The following GRIP1 variants were observed in gnomAD, a reference collection of about 807,000 sequenced individuals.
GRIP1 encodes glutamate receptor-interacting protein 1.
In GRIP1, 45 loss-of-function variants were observed where a neutral mutation model predicts 129.9. That is an observed-to-expected ratio of 0.35 (90% CI 0.27 to 0.44). The LOEUF (loss-of-function observed/expected upper bound fraction) is 0.44. GRIP1 is among the 20% of genes least tolerant of loss of function. The pLI is 1.00. For synonymous variants in GRIP1, 530 were observed against 520.8 expected (o/e 1.02, Z -0.24); for missense variants, 1,196 against 1,396.8 (o/e 0.86, Z 2.29).
At chr12:67,035,772 C>T (rs2135792523) in intron 1 of GRIP1, 1 of 152,116 alleles carries the variant, frequency 6.6e-6, no homozygotes, top group African/African-American at 2.4e-5. Flanking sequence ...CTAAAATAGC[C>T]TCTCCTCCAT....
intron 7 of GRIP1, among the ~76,000 whole-genome samples, chr12:66,484,415 A>G (rs542913031): frequency 5.8e-4 from 89 of 152,332 alleles, no homozygotes; most frequent in Non-Finnish European, 1.1e-3. Context: ...ACAATGGCCA[A>G]GATGTGAAAT....
At chr12:66,685,691 G>A (rs1214960685) in intron 1 of GRIP1, among the ~76,000 whole-genome samples, 1 of 152,130 alleles carries the variant, frequency 6.6e-6, no homozygotes, top group Admixed American at 6.5e-5. Context: ...TAGATCAAGG[G>A]AAGAAATTAG....
At chr12:66,897,845 A>C (rs2040777458) in intron 1 of GRIP1, among the ~76,000 whole-genome samples, 1 of 152,216 alleles carries the variant, frequency 6.6e-6, no homozygotes, top group African/African-American at 2.4e-5. Context: ...ACATGCATAC[A>C]CACCAGTTAT....
chr12:66,949,307 T>A (rs1175022383), intron 1 of GRIP1, among the ~76,000 whole-genome samples: 1 of 152,076 alleles, frequency 6.6e-6, no homozygotes, highest in Non-Finnish European at 1.5e-5. Flanking sequence ...AGAGAAAAAA[T>A]TTTGAGAGTT....
chr12:66,581,726 A>G lies in GRIP1; in HGVS notation c.136+15121T>C, dbSNP rs533820816. On this transcript the variant is annotated intron_variant, in intron 2 of 24. Transcript: ENST00000359742. ...CCAGGAAGAAGTTGAATCTCTGAAT[A>G]GACCAATAACAGGAGCTGAAATTGT... 4.6e-5 allele frequency among the ~76,000 whole-genome samples: 7 copies of G among 152,300 alleles called. No individual in the cohort carries two copies. The South Asian group carries it at 1.5e-3, about 32-fold the overall frequency.
Position 66,785,343 on chromosome 12 carries a change from C to CATATAT in GRIP1, c.-420+18704_-420+18709dup, listed in dbSNP as rs199738180. Among the ~76,000 whole-genome samples the CATATAT allele has an allele frequency of 1.1e-3, 82 of 72,782 alleles. 1 individual carries two copies. The highest frequency in any genetic ancestry group is 3.7e-3 in the East Asian group (9 of 2,402). The allele number at this position is 72,782 out of a possible 152,430, so 47.7% of individuals were successfully genotyped here. A position where few individuals can be genotyped will look rare whatever the true frequency, so the allele number is the denominator to read the frequency against. On this transcript the variant is annotated intron_variant, in intron 1 of 4. Transcript: ENST00000538373. ...ACATACATACATACATACATACATA[C>CATATAT]ATATATATATATATATATATTAGTT...
intron 1 of GRIP1, among the ~76,000 whole-genome samples, chr12:67,064,592 T>C (rs1002066395): frequency 1.3e-5 from 2 of 152,184 alleles, no homozygotes; most frequent in Non-Finnish European, 2.9e-5. Flanking sequence ...TTACCTACTT[T>C]GTTCCTTGGG....
intron 1 of GRIP1, among the ~76,000 whole-genome samples, chr12:66,821,874 T>C (rs1592877562): frequency 6.6e-6 from 1 of 152,242 alleles, no homozygotes; most frequent in East Asian, 1.9e-4. Flanking sequence ...GATCAAGTCA[T>C]ATCTAATAGG....
rs1193763223 is a variant in GRIP1, at chr12:66,447,901, A to AC, written c.1355-2394dup. Among the ~76,000 whole-genome samples, 10 of 152,296 alleles carry AC rather than the reference A, an allele frequency of 6.6e-5. 1 individual carries two copies. Among genetic ancestry groups the AC allele is most frequent in the Admixed American group, 1.3e-4 (2 of 15,298 alleles). On this transcript the variant is annotated intron_variant, in intron 11 of 24. Transcript: ENST00000359742. Reference sequence around the variant, plus strand: ...GCTCTAGCTGGCGACTGGCTTTAGGACCATCCCTTGCTTTCTAAAATTGTT... The same window carrying AC: ...GCTCTAGCTGGCGACTGGCTTTAGGACCCATCCCTTGCTTTCTAAAATTGTT...
At chr12:66,470,511 T>C (rs4913307) in intron 7 of GRIP1, among the ~76,000 whole-genome samples, 86,032 of 151,730 alleles carry the variant, frequency 0.57, 25,488 homozygotes, top group Middle Eastern at 0.73. Context: ...CTGCAAACTA[T>C]GTCAACCTAC....
chr12:66,724,192 G>T (rs192594650), intron 1 of GRIP1, among the ~76,000 whole-genome samples: 2 of 152,314 alleles, frequency 1.3e-5, no homozygotes, highest in Admixed American at 1.3e-4. Flanking sequence ...AGAGTGAGAA[G>T]TTCCTGGCAT....
chr12:66,968,608 T>C (rs1292027079), intron 1 of GRIP1, among the ~76,000 whole-genome samples: 10 of 152,188 alleles, frequency 6.6e-5, no homozygotes, highest in Admixed American at 6.5e-4. Context: ...TACTATGCCA[T>C]TTCATGTGTA....
intron 5 of GRIP1, among the ~76,000 whole-genome samples, chr12:66,528,184 G>C (rs2061327690): frequency 7.3e-6 from 1 of 136,532 alleles, no homozygotes; most frequent in South Asian, 2.4e-4. Flanking sequence ...ACCCAGGCTG[G>C]AGTGCAGTGG....
At chr12:66,484,935 C>T (rs897987841) in intron 7 of GRIP1, among the ~76,000 whole-genome samples, 1 of 152,114 alleles carries the variant, frequency 6.6e-6, no homozygotes, top group Non-Finnish European at 1.5e-5. Flanking sequence ...CAAAATATCA[C>T]GTGTACCCTA....
intron 1 of GRIP1, among the ~76,000 whole-genome samples, chr12:66,818,550 TC>T (rs2039264650): frequency 6.6e-6 from 1 of 152,202 alleles, no homozygotes; most frequent in African/African-American, 2.4e-5. Context: ...AGTTCACAAC[TC>T]AAACATTTCA....
chr12:66,670,963 T>C (rs2034051697), intron 1 of GRIP1, among the ~76,000 whole-genome samples: 1 of 152,060 alleles, frequency 6.6e-6, no homozygotes, highest in Non-Finnish European at 1.5e-5. Flanking sequence ...TCTAGTAGCA[T>C]CTCTATGAAG....
intron 14 of GRIP1, among the ~76,000 whole-genome samples, chr12:66,425,639 G>C (rs1170040139): frequency 6.6e-6 from 1 of 152,154 alleles, no homozygotes; most frequent in Non-Finnish European, 1.5e-5. Context: ...ATACTATGCA[G>C]CCATAAAAAA....
rs547706592 is a variant in GRIP1 at position 66,736,346 on chromosome 12, A to ATTTTTTTTTTT, written c.-420+67696_-420+67706dup. Among the ~76,000 whole-genome samples, 114 of 67,000 alleles carry ATTTTTTTTTTT rather than the reference A, an allele frequency of 1.7e-3. 18 individuals are homozygous for ATTTTTTTTTTT. Among genetic ancestry groups the ATTTTTTTTTTT allele is most frequent in the Non-Finnish European group, 2.6e-3 (95 of 36,446 alleles). 44.0% of individuals were successfully genotyped at this position (67,000 alleles called of 152,430 possible). A position where few individuals can be genotyped will look rare whatever the true frequency, so the allele number is the denominator to read the frequency against. On this transcript the variant is annotated intron_variant, in intron 1 of 4. Transcript: ENST00000538373. ...AGGTGTGCACCACCGTGCCTGGCTA[A>ATTTTTTTTTTT]TTTTTTTTTTTTTTTTTTTTTTTTT...
intron 1 of GRIP1, among the ~76,000 whole-genome samples, chr12:66,847,110 A>G (rs1662892469): frequency 6.6e-6 from 1 of 152,148 alleles, no homozygotes; most frequent in South Asian, 2.1e-4. Context: ...CTGCCTCAAA[A>G]CCAAGGCAAA....
Sources: allele counts gnomAD v4.1 joint callset (sites outside exome capture counted in the v4.1 genomes callset), GRCh38; gene constraint gnomAD v4.1.1; transcripts MANE v1.5; gene names NCBI Gene and HGNC (gene_info 2026-07-23, HGNC 2026-07-21).